Variants in LAMP1 observed in about 807,000 individuals in gnomAD.
LAMP1 encodes the protein lysosome associated membrane protein 1.
In LAMP1, 7 loss-of-function variants were observed where a neutral mutation model predicts 37.5. That is an observed-to-expected ratio of 0.19 (90% CI 0.11 to 0.35). LAMP1 has a LOEUF of 0.35. Ranked by LOEUF, LAMP1 falls within the 10% of genes least tolerant of loss-of-function variation. LAMP1 has a pLI of 1.00. For synonymous variants in LAMP1, 236 were observed against 229.1 expected, an observed-to-expected ratio of 1.03 and a Z score of -0.27; for missense variants, 537 against 552.8, an observed-to-expected ratio of 0.97 and a Z score of 0.29.
At chr13:113,310,397 G>A (rs1440142679) in intron 3 of LAMP1, among the ~76,000 whole-genome samples, 6 of 151,816 alleles carry the variant, frequency 4.0e-5, no homozygotes, top group East Asian at 3.9e-4. Flanking sequence ...GTGGTGGCGC[G>A]CGCCTGTAGT....
At chr13:113,301,639 AAAAAAATATATATATATATAT>A (rs1348784622) in intron 1 of LAMP1, among the ~76,000 whole-genome samples, 1,550 of 31,156 alleles carry the variant, frequency 0.05, 132 homozygotes, top group African/African-American at 0.11. Flanking sequence ...AAAAAAAAAA[AAAAAAATATATATATATATAT>A]ATATATATAT....
intron 1 of LAMP1, among the ~76,000 whole-genome samples, chr13:113,303,196 A>G (rs2042582655): frequency 1.3e-5 from 2 of 152,162 alleles, no homozygotes; most frequent in Non-Finnish European, 1.5e-5. Flanking sequence ...GGGCTCTGCT[A>G]CTGGCCATGG....
Position 113,323,629 on chromosome 13 carries a change from CATG to C in LAMP1, c.*1211_*1213del, listed in dbSNP as rs983139545. On this transcript the variant is annotated 3_prime_UTR_variant, in exon 9 of 9. Coordinates refer to ENST00000332556, the MANE Select transcript of LAMP1 (RefSeq NM_005561.4). ...ACAGTTGTCTGGTTCATTCATGTAA[CATG>C]ATAATTTTTAAATCATTAAAAAAAT... The C allele has an allele frequency of 6.6e-6, 1 of 151,804 alleles. No homozygotes were observed. The highest frequency in any genetic ancestry group is 2.4e-5 in the African/African-American group (1 of 41,292). 9.4% of individuals were successfully genotyped at this position (151,804 alleles called of 1,614,324 possible).
In LAMP1 at chr13:113,309,814, G is replaced by C. The variant is rs1022075873; in HGVS notation, c.355G>C (p.Val119Leu). The part of the protein sequence containing the change: ...TRYSVQLMSF[V>L]YNLSDTHLFP... Reference sequence around the variant, plus strand: ...TTACAGCGTCCAGCTCATGAGTTTTGTTTATAACTTGTCAGACACACACCT... The same window carrying C: ...TTACAGCGTCCAGCTCATGAGTTTTCTTTATAACTTGTCAGACACACACCT... Residue 119 changes from valine to leucine, a missense_variant, in exon 3 of 9, where the codon GTT (valine) becomes CTT (leucine). Physicochemically the swap from Val to Leu is conservative, Grantham distance 32. Coordinates refer to ENST00000332556, the MANE Select transcript of LAMP1 (RefSeq NM_005561.4). 4 of 1,613,754 alleles carry C rather than the reference G, an allele frequency of 2.5e-6. No individual in the cohort carries two copies. Among genetic ancestry groups the C allele is most frequent in the Non-Finnish European group, 3.4e-6 (4 of 1,180,028 alleles).
At position 113,320,546 on chromosome 13, in the gene LAMP1, A is replaced by T; in HGVS notation, c.876+76A>T. 1.3e-6 allele frequency: 2 copies of T among 1,521,124 alleles called. No homozygotes were observed. Among genetic ancestry groups the T allele is most frequent in the Non-Finnish European group, 8.9e-7 (1 of 1,123,112 alleles). The allele number at this position is 1,521,124 out of a possible 1,614,324, so 94.2% of individuals were successfully genotyped here. On this transcript the variant is annotated intron_variant, in intron 6 of 8. Coordinates refer to ENST00000332556, the MANE Select transcript of LAMP1 (RefSeq NM_005561.4). This position sits in a 1 kb window ranked among gnomAD's most constrained non-coding sequence, Gnocchi z 4.4. ...ATCTTTTTGTGCCCTGGGTCTGCTC[A>T]TGGGAGGCAGCGTTAGGAAGGAGGC...
Position 113,320,377 on chromosome 13 carries a change from C to A in LAMP1, c.783C>A (p.Asn261Lys). The change falls in exon 6 of 9, where the codon AAC (asparagine) becomes AAA (lysine). Residue 261 changes from asparagine to lysine, a missense_variant. Physicochemically the swap from Asn to Lys is moderately conservative, Grantham distance 94. Transcript: ENST00000332556. This position sits in a 1 kb window ranked among gnomAD's most constrained non-coding sequence, Gnocchi z 4.4. Reference sequence around the variant, plus strand: ...CAAGGCTTCTCAACATCAACCCCAACAAGACCTCGGCCAGCGGGAGCTGCG... The same window carrying A: ...CAAGGCTTCTCAACATCAACCCCAAAAAGACCTCGGCCAGCGGGAGCTGCG... ...TVTRLLNINPNKTSASGSCGA... is the reference protein window; with the variant it reads ...TVTRLLNINPKKTSASGSCGA... The A allele has an allele frequency of 6.2e-7, 1 of 1,613,996 alleles. No homozygotes were observed. The highest frequency in any genetic ancestry group is 8.5e-7 in the Non-Finnish European group (1 of 1,180,038).
At chr13:113,322,202 T>G in intron 8 of LAMP1, 80 bp from the exon 9 acceptor site, 2 of 1,456,412 alleles carry the variant, frequency 1.4e-6, no homozygotes, top group Non-Finnish European at 1.8e-6. Flanking sequence ...TTGGCTGATG[T>G]GGGGGAGTGG....
At position 113,322,400 on chromosome 13, in the gene LAMP1, C is replaced by T. The variant is rs367740277; in HGVS notation, c.1233C>T (p.His411=). The T allele has an allele frequency of 7.4e-5, 119 of 1,613,340 alleles. No homozygotes were observed. The highest frequency in any genetic ancestry group is 8.9e-5 in the Non-Finnish European group (105 of 1,179,656). ...ACCTCGTCGGCAGGAAGAGGAGTCA[C>T]GCAGGCTACCAGACTATCTAGCCTG... ...IAYLVGRKRS[H]AGYQTI The change falls in exon 9 of 9, where the codon CAC becomes CAT. Residue 411 remains histidine (H), a synonymous_variant. Coordinates refer to ENST00000332556, the MANE Select transcript of LAMP1 (RefSeq NM_005561.4).
chr13:113,300,222 T>C (rs1212940295), intron 1 of LAMP1, among the ~76,000 whole-genome samples: 2 of 152,202 alleles, frequency 1.3e-5, no homozygotes, highest in Non-Finnish European at 2.9e-5. Flanking sequence ...GGTTCACGCC[T>C]GTAATCTCAG....
chr13:113,315,759 A>G (rs1037248133), intron 4 of LAMP1, among the ~76,000 whole-genome samples: 3 of 152,096 alleles, frequency 2.0e-5, no homozygotes, highest in Non-Finnish European at 2.9e-5. Flanking sequence ...GCCACCTTTG[A>G]ATGGACTTTC....
At chr13:113,307,216 G>A (rs937885616) in intron 2 of LAMP1, among the ~76,000 whole-genome samples, 12 of 148,104 alleles carry the variant, frequency 8.1e-5, no homozygotes, top group Non-Finnish European at 1.8e-4. Flanking sequence ...GGAGTGCAGT[G>A]GTACGATCTG....
In LAMP1 at chr13:113,297,449, C is replaced by T. The variant is rs1458548552; in HGVS notation, c.15C>T (p.Gly5=). The T allele has an allele frequency of 8.9e-7, 1 of 1,123,366 alleles. No homozygotes were observed. The highest frequency in any genetic ancestry group is 3.4e-5 in the South Asian group (1 of 29,048). The allele number at this position is 1,123,366 out of a possible 1,614,324, so 69.6% of individuals were successfully genotyped here. A position where few individuals can be genotyped will look rare whatever the true frequency, so the allele number is the denominator to read the frequency against. MAAP[G]SARRPLLLLL... is the part of the protein sequence containing the mutation. Reference sequence around the variant, plus strand: ...CGCCTCGCGCCATGGCGGCCCCCGGCAGCGCCCGGCGACCCCTGCTGCTGC... The same window carrying T: ...CGCCTCGCGCCATGGCGGCCCCCGGTAGCGCCCGGCGACCCCTGCTGCTGC... The change falls in exon 1 of 9, where the codon GGC becomes GGT. Residue 5 remains glycine, a synonymous_variant. Transcript: ENST00000332556. The surrounding 1 kb of genome is among the most constrained non-coding windows in gnomAD (Gnocchi z 4.4).
intron 2 of LAMP1, among the ~76,000 whole-genome samples, 172 bp from the exon 3 acceptor site, chr13:113,309,471 T>C (rs1477223151): frequency 6.6e-6 from 1 of 152,234 alleles, no homozygotes; most frequent in Non-Finnish European, 1.5e-5. Flanking sequence ...AGTCTTTTAC[T>C]GACATGTAAT....
intron 4 of LAMP1, among the ~76,000 whole-genome samples, chr13:113,316,439 T>A (rs1295356900): frequency 9.3e-6 from 1 of 107,280 alleles, no homozygotes; most frequent in Non-Finnish European, 2.0e-5. Flanking sequence ...TTTTTTTTTT[T>A]GAGGCAGAGT....
At chr13:113,305,027 T>C (rs1175981228) in intron 1 of LAMP1, 1 of 152,250 alleles carries the variant, frequency 6.6e-6, no homozygotes, top group Non-Finnish European at 1.5e-5. Flanking sequence ...GGACTACTTC[T>C]GGTTATATGC....
intron 2 of LAMP1, among the ~76,000 whole-genome samples, chr13:113,309,089 A>G (rs1281490500): frequency 6.6e-6 from 1 of 152,156 alleles, no homozygotes; most frequent in Non-Finnish European, 1.5e-5. Context: ...ATTAACATAA[A>G]ATGAATTTAT....
At position 113,309,796 on chromosome 13, in the gene LAMP1, G is replaced by A. The variant is rs374537669; in HGVS notation, c.337G>A (p.Val113Ile). Residue 113 changes from valine to isoleucine, a missense_variant, in exon 3 of 9, where the codon GTC (valine) becomes ATC (isoleucine). Physicochemically the swap from Val to Ile is conservative, Grantham distance 29. Transcript: ENST00000332556. ...CACGAGAAATGCAACACGTTACAGC[G>A]TCCAGCTCATGAGTTTTGTTTATAA... Reference protein sequence around the residue: ...NFTRNATRYSVQLMSFVYNLS... With the variant: ...NFTRNATRYSIQLMSFVYNLS... The A allele has an allele frequency of 1.3e-5, 21 of 1,613,984 alleles. No homozygotes were observed. Among genetic ancestry groups the A allele is most frequent in the East Asian group, 2.2e-5 (1 of 44,894 alleles).
chr13:113,314,330 G>C (rs111682298), intron 4 of LAMP1, among the ~76,000 whole-genome samples: 1 of 132,440 alleles, frequency 7.6e-6, no homozygotes, highest in Admixed American at 7.3e-5. Context: ...GAGGGAGCCA[G>C]TGCGGAGATG....
chr13:113,310,805 C>T lies in LAMP1; in HGVS notation c.500C>T (p.Thr167Ile). The T allele has an allele frequency of 1.2e-6, 2 of 1,613,828 alleles. No homozygotes were observed. The highest frequency in any genetic ancestry group is 1.7e-6 in the Non-Finnish European group (2 of 1,179,924). The change falls in exon 4 of 9, where the codon ACC (threonine) becomes ATC (isoleucine). Residue 167 changes from threonine to isoleucine, a missense_variant. By Grantham distance (89) the Thr-to-Ile change is moderately conservative. Coordinates refer to ENST00000332556, the MANE Select transcript of LAMP1 (RefSeq NM_005561.4). ...SGTQVHMNNV[T>I]VTLHDATIQA... ...ACCCAGGTCCACATGAACAACGTGA[C>T]CGTAACGCTCCATGATGCCACCATC...
Sources: allele counts gnomAD v4.1 joint callset (sites outside exome capture counted in the v4.1 genomes callset), GRCh38; gene constraint gnomAD v4.1.1; non-coding constraint Gnocchi (gnomAD v3.1); transcripts MANE v1.5; gene names NCBI Gene and HGNC (gene_info 2026-07-23, HGNC 2026-07-21).